XKR6: variants seen among roughly 807,000 people sequenced by gnomAD.
XKR6 encodes the protein XK-related protein 6.
In XKR6, 22 loss-of-function variants were observed where a neutral mutation model predicts 56.7. The observed-to-expected ratio is 0.39, with a 90% CI of 0.28 to 0.55. The LOEUF is 0.55. XKR6 is among the 20% of genes least tolerant of loss of function. XKR6 has a pLI of 0.66. For missense variants in XKR6, 852 were observed against 889.0 expected (o/e 0.96, Z 0.53); for synonymous variants, 524 against 387.8 (o/e 1.35, Z -4.13).
intron 1 of XKR6, among the ~76,000 whole-genome samples, chr8:10,976,160 A>G (rs1802551291): frequency 6.6e-6 from 1 of 151,444 alleles, no homozygotes; most frequent in African/African-American, 2.4e-5. Context: ...TGGGTGACAG[A>G]GCAAGACTCC....
intron 1 of XKR6, among the ~76,000 whole-genome samples, chr8:11,019,128 G>A (rs1334884027): frequency 6.6e-6 from 1 of 152,198 alleles, no homozygotes; most frequent in African/African-American, 2.4e-5. Context: ...AAGTGTGGCT[G>A]TCATCTCCAT....
chr8:11,144,528 G>A (rs934314212), intron 1 of XKR6, among the ~76,000 whole-genome samples: 2 of 151,978 alleles, frequency 1.3e-5, no homozygotes, highest in Non-Finnish European at 2.9e-5. Context: ...GCACAGGATG[G>A]CGCTAAGAGC....
At chr8:11,167,856 C>T (rs1802158950) in intron 1 of XKR6, among the ~76,000 whole-genome samples, 1 of 148,472 alleles carries the variant, frequency 6.7e-6, no homozygotes, top group African/African-American at 2.5e-5. Flanking sequence ...GTGGCTCCTG[C>T]CAAGCCTGGG....
intron 1 of XKR6, among the ~76,000 whole-genome samples, chr8:11,178,552 A>ATATATG (rs1802783471): frequency 8.5e-6 from 1 of 117,222 alleles, no homozygotes. Flanking sequence ...GTAAAAATAT[A>ATATATG]TATATATATA....
intron 1 of XKR6, among the ~76,000 whole-genome samples, chr8:11,177,745 C>G (rs183310698): frequency 8.9e-4 from 135 of 152,346 alleles, no homozygotes; most frequent in African/African-American, 3.1e-3. Flanking sequence ...TAGGAAGGGG[C>G]ATGGAATGGT....
chr8:11,023,235 C>G (rs1388779202), intron 1 of XKR6, among the ~76,000 whole-genome samples: 1 of 152,206 alleles, frequency 6.6e-6, no homozygotes, highest in Admixed American at 6.5e-5. Flanking sequence ...GCACCCAGGG[C>G]TGCTCCCAGA....
intron 1 of XKR6, among the ~76,000 whole-genome samples, chr8:11,102,975 A>G (rs1307659446): frequency 6.6e-6 from 1 of 152,218 alleles, no homozygotes; most frequent in Non-Finnish European, 1.5e-5. Flanking sequence ...GCACACAAAG[A>G]TTAGAGAAAC....
At chr8:11,193,488 T>A (rs1179335724) in intron 1 of XKR6, among the ~76,000 whole-genome samples, 1 of 152,196 alleles carries the variant, frequency 6.6e-6, no homozygotes, top group Non-Finnish European at 1.5e-5. Context: ...TATATTAATG[T>A]CACTGTAACA....
intron 1 of XKR6, among the ~76,000 whole-genome samples, chr8:11,141,142 C>CTT (rs1800676655): frequency 6.6e-6 from 1 of 152,162 alleles, no homozygotes; most frequent in African/African-American, 2.4e-5. Context: ...ATGCAAAAGA[C>CTT]TTTAACTGTA....
At chr8:11,127,297 A>T (rs1799856121) in intron 1 of XKR6, among the ~76,000 whole-genome samples, 1 of 152,198 alleles carries the variant, frequency 6.6e-6, no homozygotes. Flanking sequence ...TTTTCTAATT[A>T]TGTGATCTTC....
intron 1 of XKR6, among the ~76,000 whole-genome samples, chr8:11,017,657 G>C (rs1798657283): frequency 6.6e-6 from 1 of 152,202 alleles, no homozygotes; most frequent in South Asian, 2.1e-4. Flanking sequence ...CTTGATCCAT[G>C]TGGCAGTGCC....
chr8:11,161,786 A>C (rs1332722625), intron 1 of XKR6, among the ~76,000 whole-genome samples: 2 of 152,060 alleles, frequency 1.3e-5, no homozygotes, highest in Non-Finnish European at 2.9e-5. Context: ...TATTTGTAAA[A>C]TTATAAAATA....
intron 1 of XKR6, among the ~76,000 whole-genome samples, chr8:11,026,696 C>G (rs1380295689): frequency 6.6e-6 from 1 of 150,790 alleles, no homozygotes; most frequent in African/African-American, 2.4e-5. Flanking sequence ...CCTAGATGGT[C>G]TAGCCTACTA....
chr8:11,082,297 C>G (rs955842657), intron 1 of XKR6, among the ~76,000 whole-genome samples: 3 of 152,160 alleles, frequency 2.0e-5, no homozygotes, highest in African/African-American at 7.2e-5. Context: ...ACGTGGGGCT[C>G]AATATCATGT....
chr8:11,119,546 C>A (rs1378956518), intron 1 of XKR6, among the ~76,000 whole-genome samples: 1 of 152,174 alleles, frequency 6.6e-6, no homozygotes, highest in African/African-American at 2.4e-5. Flanking sequence ...TTGAATTGAT[C>A]CCTTTACCAT....
chr8:11,041,882 C>T (rs1799295408), intron 1 of XKR6, among the ~76,000 whole-genome samples: 2 of 152,234 alleles, frequency 1.3e-5, no homozygotes, highest in South Asian at 2.1e-4. Flanking sequence ...TATACACACA[C>T]ACATACATAT....
chr8:11,160,844 G>A (rs1379410414), intron 1 of XKR6, among the ~76,000 whole-genome samples: 9 of 144,356 alleles, frequency 6.2e-5, no homozygotes, highest in African/African-American at 1.0e-4. Flanking sequence ...CCCGGGAGGC[G>A]GAGGTTGCAG....
intron 1 of XKR6, among the ~76,000 whole-genome samples, chr8:11,166,870 C>T (rs1017147856): frequency 1.1e-4 from 16 of 152,276 alleles, no homozygotes; most frequent in African/African-American, 1.4e-4. Flanking sequence ...CCACCGCACC[C>T]GGCTTAACCT....
intron 1 of XKR6, among the ~76,000 whole-genome samples, chr8:11,120,343 G>A (rs531599695): frequency 2.0e-5 from 3 of 152,124 alleles, no homozygotes; most frequent in Non-Finnish European, 1.5e-5. Flanking sequence ...CGAAGTCTCA[G>A]GATACAAAAT....
Sources: allele counts gnomAD v4.1 joint callset (sites outside exome capture counted in the v4.1 genomes callset), GRCh38; gene constraint gnomAD v4.1.1; transcripts MANE v1.5; gene names NCBI Gene and HGNC (gene_info 2026-07-23, HGNC 2026-07-21).